The following FBXO17 variants were observed in gnomAD, a reference collection of about 807,000 sequenced individuals.
FBXO17 encodes the protein F-box protein 17, also known as F-box only protein 17.
In FBXO17, 43 loss-of-function variants were observed where a neutral mutation model predicts 34.1. The ratio of observed to expected loss-of-function variants is 1.26; its 90% confidence interval spans 0.99 to 1.62. FBXO17 has a LOEUF of 1.62. Among genes scored for constraint, FBXO17 ranks in the 40% most tolerant of loss-of-function variants. The probability of loss-of-function intolerance (pLI) is 0.00; values close to 1 mark genes in which losing one functional copy is unlikely to be tolerated. For missense variants in FBXO17, 424 were observed against 386.7 expected, an observed-to-expected ratio of 1.10 and a Z score of -0.81; for synonymous variants, 169 against 166.0, an observed-to-expected ratio of 1.02 and a Z score of -0.14.
intron 1 of FBXO17, among the ~76,000 whole-genome samples, chr19:38,968,375 C>A (rs1370444440): frequency 6.6e-6 from 1 of 151,198 alleles, no homozygotes; most frequent in African/African-American, 2.4e-5. Context: ...AATGTCAGCA[C>A]TTTGGGAGGC....
At chr19:38,947,792 G>A (rs1337806746) in intron 3 of FBXO17, among the ~76,000 whole-genome samples, 2 of 151,844 alleles carry the variant, frequency 1.3e-5, no homozygotes, top group Non-Finnish European at 2.9e-5. Flanking sequence ...TCAAACTCCT[G>A]GGCTCAAGAG....
chr19:38,958,391 A>G (rs1411438737), intron 1 of FBXO17, among the ~76,000 whole-genome samples: 1 of 145,878 alleles, frequency 6.9e-6, no homozygotes, highest in Non-Finnish European at 1.5e-5. Context: ...CTGGGCAACA[A>G]GAGTGAAACT....
At chr19:38,955,210 C>T (rs922661113) in intron 1 of FBXO17, among the ~76,000 whole-genome samples, 4 of 151,796 alleles carry the variant, frequency 2.6e-5, no homozygotes, top group African/African-American at 9.7e-5. Flanking sequence ...GGATCACAGG[C>T]GTGAGCCACT....
intron 1 of FBXO17, among the ~76,000 whole-genome samples, chr19:38,951,942 C>T (rs886075908): frequency 2.8e-4 from 43 of 152,028 alleles, no homozygotes; most frequent in African/African-American, 9.4e-4. Flanking sequence ...AGCCACCACG[C>T]TCGGCCCGAG....
intron 1 of FBXO17, among the ~76,000 whole-genome samples, chr19:38,961,986 T>G (rs1975256803): frequency 6.6e-6 from 1 of 151,988 alleles, no homozygotes; most frequent in Non-Finnish European, 1.5e-5. Context: ...ATAAATTCAA[T>G]TTTTCTTTTC....
chr19:38,956,135 G>A (rs1975163904), intron 1 of FBXO17, among the ~76,000 whole-genome samples: 1 of 151,924 alleles, frequency 6.6e-6, no homozygotes, highest in African/African-American at 2.4e-5. Flanking sequence ...GCGTGGTGGT[G>A]GGCACCTGTA....
intron 3 of FBXO17, chr19:38,947,279 G>A (rs372011592): frequency 3.3e-5 from 5 of 152,360 alleles, no homozygotes; most frequent in African/African-American, 1.2e-4. Flanking sequence ...GTTGAGCAAT[G>A]GAATAGAACA....
At chr19:38,957,752 G>A (rs764790195) in intron 1 of FBXO17, among the ~76,000 whole-genome samples, 3 of 152,186 alleles carry the variant, frequency 2.0e-5, no homozygotes, top group Admixed American at 6.6e-5. Flanking sequence ...AAGGAGCAGA[G>A]ATGTTCAAGA....
intron 1 of FBXO17, among the ~76,000 whole-genome samples, chr19:38,959,423 C>T (rs1318798525): frequency 6.6e-6 from 1 of 151,264 alleles, no homozygotes; most frequent in African/African-American, 2.4e-5. Context: ...GGATTACAGG[C>T]ACACGCCACC....
At position 38,954,890 on chromosome 19, in the gene FBXO17, GTTATTTTA is replaced by G. The variant is rs1975141205; in HGVS notation, c.-17-4562_-17-4555del. Among the ~76,000 whole-genome samples the G allele has an allele frequency of 3.2e-5, 4 of 124,068 alleles. No homozygotes were observed. In the Admixed American group the frequency reaches 3.5e-4, roughly 11 times the overall value. 81.4% of individuals were successfully genotyped at this position (124,068 alleles called of 152,430 possible). A position where few individuals can be genotyped will look rare whatever the true frequency, so the allele number is the denominator to read the frequency against. On this transcript the variant is annotated intron_variant, in intron 1 of 5. Transcript: ENST00000292852. ...GCCACTGCGCCTGCCCTGACAATGT[GTTATTTTA>G]TTATTATTATTATTATTATTATTAT...
intron 1 of FBXO17, among the ~76,000 whole-genome samples, chr19:38,964,688 G>A (rs1975297328): frequency 6.6e-6 from 1 of 151,952 alleles, no homozygotes; most frequent in Admixed American, 6.6e-5. Flanking sequence ...GAGTGCTTGA[G>A]CTCAGGAGGT....
chr19:38,969,935 G>T (rs936117062), intron 1 of FBXO17, among the ~76,000 whole-genome samples: 1 of 151,772 alleles, frequency 6.6e-6, no homozygotes, highest in African/African-American at 2.4e-5. Flanking sequence ...ATGAAAATGT[G>T]CCTGCCCCAT....
Position 38,942,006 on chromosome 19 carries a change from C to A in FBXO17, c.*602G>T, listed in dbSNP as rs1448358929. ...CCTCTCTTATAAATCCTGGTTTAGC[C>A]TTTGTTTTGTGACTGAGTCCACCGA... On this transcript the variant is annotated 3_prime_UTR_variant, in exon 6 of 6. Transcript: ENST00000292852. The A allele has an allele frequency of 6.7e-6, 1 of 149,504 alleles. No homozygotes were observed. The highest frequency in any genetic ancestry group is 2.5e-5 in the African/African-American group (1 of 40,430). 9.3% of individuals were successfully genotyped at this position (149,504 alleles called of 1,614,324 possible).
intron 1 of FBXO17, among the ~76,000 whole-genome samples, chr19:38,956,445 T>C (rs1038333341): frequency 2.6e-5 from 4 of 152,144 alleles, no homozygotes; most frequent in African/African-American, 9.7e-5. Context: ...CATTAAAGCC[T>C]CTTAACCAAG....
chr19:38,950,316 C>A lies in FBXO17; in HGVS notation c.4G>T (p.Gly2Cys). 7.0e-7 allele frequency: 1 copy of A among 1,429,970 alleles called. No individual in the cohort carries two copies. The highest frequency in any genetic ancestry group is 2.8e-5 in the Admixed American group (1 of 35,134). The allele number at this position is 1,429,970 out of a possible 1,614,324, so 88.6% of individuals were successfully genotyped here. A position where few individuals can be genotyped will look rare whatever the true frequency, so the allele number is the denominator to read the frequency against. The change falls in exon 2 of 6, where the codon GGC becomes TGC. Residue 2 changes from glycine (G) to cysteine (C), a missense_variant. By Grantham distance (159) the Gly-to-Cys change is radical. Coordinates refer to ENST00000292852, the MANE Select transcript of FBXO17 (RefSeq NM_024907.7). ...AGCCGTCGCCGCGATAGCCGGGCGC[C>A]CATCTCCAGTAGCCAGAGTCCTGCA... M[G>C]ARLSRRRLPA...
intron 1 of FBXO17, among the ~76,000 whole-genome samples, chr19:38,966,248 G>A (rs9676853): frequency 6.6e-6 from 1 of 151,024 alleles, no homozygotes; most frequent in Non-Finnish European, 1.5e-5. Flanking sequence ...GGGATTACAG[G>A]CATGAGCCAC....
At chr19:38,969,334 T>C (rs2144843823) in intron 1 of FBXO17, among the ~76,000 whole-genome samples, 1 of 150,242 alleles carries the variant, frequency 6.7e-6, no homozygotes, top group South Asian at 2.1e-4. Flanking sequence ...TCCCAGTTAT[T>C]AGAGAGGCTG....
At chr19:38,961,193 T>G (rs1333158060) in intron 1 of FBXO17, among the ~76,000 whole-genome samples, 1 of 152,182 alleles carries the variant, frequency 6.6e-6, no homozygotes, top group East Asian at 1.9e-4. Flanking sequence ...TGTGTTCATT[T>G]TATAAAGTAT....
chr19:38,946,487 A>G lies in FBXO17; in HGVS notation c.542T>C (p.Ile181Thr). 1 of 1,613,964 alleles carries G rather than the reference A, an allele frequency of 6.2e-7. No individual in the cohort carries two copies. Among genetic ancestry groups the G allele is most frequent in the East Asian group, 2.2e-5 (1 of 44,872 alleles). Residue 181 changes from isoleucine to threonine, a missense_variant, in exon 4 of 6, where the codon ATC (isoleucine) becomes ACC (threonine). Physicochemically the swap from Ile to Thr is moderately conservative, Grantham distance 89 (BLOSUM62 -1). Coordinates refer to ENST00000292852, the MANE Select transcript of FBXO17 (RefSeq NM_024907.7). ...QELLDSAQIE[I>T]CVADWWGARE... ...CCTCACTCACCAGTCAGCCACACAG[A>G]TCTCAATCTGGGCGCTGTCCAGCAG...
Sources: allele counts gnomAD v4.1 joint callset (sites outside exome capture counted in the v4.1 genomes callset), GRCh38; gene constraint gnomAD v4.1.1; transcripts MANE v1.5; gene names NCBI Gene and HGNC (gene_info 2026-07-23, HGNC 2026-07-21).